The following ITSN2 variants were observed in gnomAD, a reference collection of about 807,000 sequenced individuals.
The protein encoded by ITSN2 is intersectin-2.
In ITSN2, 156 loss-of-function variants were observed where a neutral mutation model predicts 243.7. The ratio of observed to expected loss-of-function variants is 0.64; its 90% CI spans 0.56 to 0.73. ITSN2 has a LOEUF of 0.73. Ranked by LOEUF, ITSN2 falls within the 30% of genes least tolerant of loss-of-function variation. The pLI, the probability that ITSN2 is intolerant of heterozygous loss-of-function variation, is 0.00. For missense variants in ITSN2, 1,801 were observed against 1,996.1 expected (o/e 0.90, Z 1.86); for synonymous variants, 703 against 699.9 (o/e 1.00, Z -0.07).
At chr2:24,242,597 T>C (rs1273357500) in intron 29 of ITSN2, among the ~76,000 whole-genome samples, 5 of 152,310 alleles carry the variant, frequency 3.3e-5, no homozygotes, top group African/African-American at 1.2e-4. Flanking sequence ...ACAATTAACA[T>C]TAATCTTCAT....
chr2:24,269,475 T>C (rs1030755027), intron 20 of ITSN2, among the ~76,000 whole-genome samples: 2 of 152,234 alleles, frequency 1.3e-5, no homozygotes, highest in Non-Finnish European at 2.9e-5. Context: ...TTCATGTTAA[T>C]GATTCAGCAG....
chr2:24,246,686 A>T (rs1255528253), intron 28 of ITSN2, 111 bp downstream of exon 28: 1 of 708,402 alleles, frequency 1.4e-6, no homozygotes. Flanking sequence ...TTAAGCAGAC[A>T]TAAGGAAAGA....
chr2:24,203,803 G>C lies in ITSN2; in HGVS notation c.4937-20C>G, dbSNP rs1277811602. ...GGAAATCTGGTGAATAAACACAGGA[G>C]AGTCAGAAGTCTTTCTTCTTTATAA... On this transcript the variant is annotated intron_variant, in intron 39 of 39. Transcript: ENST00000355123. 1 of 1,600,678 alleles carries C rather than the reference G, an allele frequency of 6.2e-7. No homozygotes were observed. Among genetic ancestry groups the C allele is most frequent in the African/African-American group, 1.3e-5 (1 of 74,220 alleles).
intron 22 of ITSN2, among the ~76,000 whole-genome samples, chr2:24,259,052 T>C (rs1194032538): frequency 6.6e-6 from 1 of 152,206 alleles, no homozygotes; most frequent in Non-Finnish European, 1.5e-5. Flanking sequence ...TCTCCAGACT[T>C]GTATATCAAA....
intron 22 of ITSN2, among the ~76,000 whole-genome samples, chr2:24,260,646 G>A (rs943114682): frequency 6.6e-6 from 1 of 152,042 alleles, no homozygotes; most frequent in African/African-American, 2.4e-5. Context: ...AGTGGCTCAC[G>A]CCTGTAATCC....
chr2:24,315,017 T>C, intron 3 of ITSN2, 115 bp downstream of exon 3: 1 of 461,384 alleles, frequency 2.2e-6, no homozygotes, highest in Non-Finnish European at 3.9e-6. Context: ...GAATTCTGAT[T>C]GATATGAATT....
chr2:24,328,179 C>T (rs1677489764), intron 1 of ITSN2, 64 bp from the exon 2 acceptor site: 5 of 1,151,876 alleles, frequency 4.3e-6, no homozygotes, highest in Non-Finnish European at 6.5e-6. Flanking sequence ...TTAGTGCACC[C>T]GCTAAGCAGT....
intron 1 of ITSN2, chr2:24,334,966 G>A: frequency 5.6e-6 from 2 of 358,248 alleles, no homozygotes; most frequent in Non-Finnish European, 1.1e-5. Context: ...GGGAGGCTGA[G>A]GCAGGAGAAT....
intron 23 of ITSN2, among the ~76,000 whole-genome samples, chr2:24,255,876 C>T (rs1399309019): frequency 6.6e-6 from 1 of 152,140 alleles, no homozygotes; most frequent in Non-Finnish European, 1.5e-5. Context: ...ATGGAGAAAC[C>T]CCGTCTCTGC....
intron 1 of ITSN2, among the ~76,000 whole-genome samples, chr2:24,333,807 C>T (rs1686044298): frequency 6.6e-6 from 1 of 152,132 alleles, no homozygotes; most frequent in South Asian, 2.1e-4. Flanking sequence ...AGCAGGAAAT[C>T]CTGCTTTTAC....
intron 1 of ITSN2, chr2:24,334,492 C>G: frequency 1.5e-6 from 1 of 687,930 alleles, no homozygotes; most frequent in Admixed American, 1.8e-5. Flanking sequence ...ACTTTCCGTG[C>G]CAATAGCGCT....
upstream of ITSN2, among the ~76,000 whole-genome samples, chr2:24,361,234 C>A (rs555205873): frequency 1.2e-3 from 178 of 152,288 alleles, no homozygotes; most frequent in African/African-American, 4.1e-3. Flanking sequence ...TTCCTCCCCA[C>A]CCCTCGCCAA....
intron 29 of ITSN2, among the ~76,000 whole-genome samples, chr2:24,235,240 A>G (rs1672020499): frequency 6.6e-6 from 1 of 151,512 alleles, no homozygotes; most frequent in Admixed American, 6.6e-5. Flanking sequence ...TGAAAAGGCT[A>G]TGTACTGTGT....
At chr2:24,275,097 T>C (rs1211397112) in intron 18 of ITSN2, among the ~76,000 whole-genome samples, 1 of 152,250 alleles carries the variant, frequency 6.6e-6, no homozygotes, top group Non-Finnish European at 1.5e-5. Context: ...AGTATTACTA[T>C]ATACAATTAA....
At chr2:24,305,867 C>G (rs1337380983) in intron 8 of ITSN2, among the ~76,000 whole-genome samples, 1 of 152,208 alleles carries the variant, frequency 6.6e-6, no homozygotes, top group Non-Finnish European at 1.5e-5. Flanking sequence ...ATCACTTCCC[C>G]ACAGTTGGCT....
intron 8 of ITSN2, among the ~76,000 whole-genome samples, chr2:24,305,576 C>CAAAAAAAAAAAAAAAAAAAA (rs537945691): frequency 4.9e-5 from 2 of 40,880 alleles, no homozygotes; most frequent in African/African-American, 1.1e-4. Context: ...GACTCTGTCT[C>CAAAAAAAAAAAAAAAAAAAA]AAAAAAAAAA....
chr2:24,245,712 TA>T (rs1673276044), intron 29 of ITSN2, among the ~76,000 whole-genome samples: 1 of 152,162 alleles, frequency 6.6e-6, no homozygotes, highest in South Asian at 2.1e-4. Flanking sequence ...TTCCTGGGCT[TA>T]AGGGATCCTG....
intron 2 of ITSN2, chr2:24,326,635 T>C (rs915305311): frequency 5.9e-6 from 1 of 169,018 alleles, no homozygotes; most frequent in African/African-American, 2.4e-5. Context: ...TCCCACACCA[T>C]TTTCCCAATA....
In ITSN2 at chr2:24,249,023, T is replaced by C. The variant is rs1369359761; in HGVS notation, c.3121-141A>G. ...AAGATGAAAATGACAATGAACCTCA[T>C]GCAGTATTAACAAATAAGTGAAAAA... On this transcript the variant is annotated intron_variant, in intron 25 of 39. Transcript: ENST00000355123. This position sits in a 1 kb window ranked among gnomAD's most constrained non-coding sequence, Gnocchi z 4.4. 1.2e-6 allele frequency: 1 copy of C among 830,072 alleles called. No individual in the cohort carries two copies. Among genetic ancestry groups the C allele is most frequent in the Non-Finnish European group, 1.9e-6 (1 of 521,444 alleles). 51.4% of individuals were successfully genotyped at this position (830,072 alleles called of 1,614,324 possible).
Sources: allele counts gnomAD v4.1 joint callset (sites outside exome capture counted in the v4.1 genomes callset), GRCh38; gene constraint gnomAD v4.1.1; non-coding constraint Gnocchi (gnomAD v3.1); transcripts MANE v1.5; gene names NCBI Gene and HGNC (gene_info 2026-07-23, HGNC 2026-07-21).